CATSPERD: variants seen among roughly 807,000 people sequenced by gnomAD.
The protein encoded by CATSPERD is cation channel sperm-associated auxiliary subunit delta.
A neutral mutation model predicts 98.1 loss-of-function variants in CATSPERD; 86 were observed. The observed-to-expected ratio is 0.88, with a 90% CI of 0.74 to 1.05. The LOEUF (loss-of-function observed/expected upper bound fraction) is 1.05. Ranked by LOEUF, CATSPERD falls within the 50% of genes least tolerant of loss-of-function variation. CATSPERD has a pLI of 0.00. For missense variants in CATSPERD, 995 were observed against 1,005.7 expected (o/e 0.99, Z 0.14); for synonymous variants, 394 against 390.2 (o/e 1.01, Z -0.12).
intron 11 of CATSPERD, among the ~76,000 whole-genome samples, chr19:5,751,069 C>T (rs3120617): frequency 0.71 from 106,416 of 150,118 alleles, 39,565 homozygotes; most frequent in East Asian, 0.95. Context: ...AAAAATTAGC[C>T]GGGCATGGTG....
chr19:5,722,416 C>T (rs1312453172), intron 1 of CATSPERD, among the ~76,000 whole-genome samples: 2 of 152,150 alleles, frequency 1.3e-5, no homozygotes, highest in African/African-American at 2.4e-5. Flanking sequence ...CCACCGCGCC[C>T]GGCCAACACC....
intron 7 of CATSPERD, among the ~76,000 whole-genome samples, chr19:5,743,690 CTCTCTCTCTCTCTCTCTG>C: frequency 1.7e-5 from 1 of 59,640 alleles, no homozygotes; most frequent in African/African-American, 4.8e-5. Context: ...CTTCCTCTCT[CTCTCTCTCTCTCTCTCTG>C]TCTCTGTCTC....
In CATSPERD at chr19:5,748,152, C is replaced by T. The variant is rs767520534; in HGVS notation, c.809-8C>T. 1.4e-5 allele frequency: 22 copies of T among 1,612,348 alleles called. No homozygotes were observed. In the East Asian group the frequency reaches 4.9e-4, roughly 36 times the overall value. On this transcript the variant is annotated splice_region_variant and splice_polypyrimidine_tract_variant and intron_variant, in intron 9 of 21. Transcript: ENST00000381624. Reference sequence around the variant, plus strand: ...GGGGCCTCATGCACCTGTCCTGTTACCTCCTAGGTCAGCTCGTCGACACCG... The same window carrying T: ...GGGGCCTCATGCACCTGTCCTGTTATCTCCTAGGTCAGCTCGTCGACACCG...
intron 9 of CATSPERD, 83 bp from the exon 10 acceptor site, chr19:5,748,076 AG>A: frequency 9.1e-7 from 1 of 1,098,682 alleles, no homozygotes. Flanking sequence ...GGGTGGTGGC[AG>A]GGGTGGCTGT....
intron 4 of CATSPERD, among the ~76,000 whole-genome samples, chr19:5,731,814 A>T (rs1305772712): frequency 2.6e-5 from 4 of 151,518 alleles, no homozygotes; most frequent in African/African-American, 9.7e-5. Context: ...TGACCTCATG[A>T]TCCACCCGCC....
At chr19:5,757,806 G>T in intron 13 of CATSPERD, 37 bp from the exon 14 acceptor site, 1 of 1,551,422 alleles carries the variant, frequency 6.4e-7, no homozygotes, top group Non-Finnish European at 8.9e-7. Context: ...CTGCCTGCTG[G>T]CTCCGTACAG....
chr19:5,738,742 C>A (rs909597386), intron 6 of CATSPERD, among the ~76,000 whole-genome samples: 1 of 152,056 alleles, frequency 6.6e-6, no homozygotes, highest in Non-Finnish European at 1.5e-5. Flanking sequence ...CAGCACCACG[C>A]CTGGCTAATT....
At chr19:5,750,220 G>A (rs537671224) in intron 11 of CATSPERD, among the ~76,000 whole-genome samples, 3 of 150,212 alleles carry the variant, frequency 2.0e-5, no homozygotes, top group South Asian at 2.1e-4. Context: ...TGGCCAAGGT[G>A]GGCGGATCAC....
At chr19:5,776,040 G>A (rs1568378575) in intron 20 of CATSPERD, 121 bp from the exon 21 acceptor site, 9 of 1,061,078 alleles carry the variant, frequency 8.5e-6, no homozygotes, top group Non-Finnish European at 1.2e-5. Context: ...TGGCCCCAGA[G>A]TCCCACCCAT....
rs1288910873 is a variant in CATSPERD, at chr19:5,776,196, C to T, written c.1977C>T (p.Ala659=). The change falls in exon 21 of 22, where the codon GCC becomes GCT. Residue 659 remains alanine, a synonymous_variant. Transcript: ENST00000381624. ...YVSCHDPNNN[A]PLRWPDVQYQ... is the part of the protein sequence containing the mutation. ...GCTGCCACGACCCCAACAACAATGC[C>T]CCTTTGAGGTGGCCAGACGTCCAGT... 2 of 1,614,104 alleles carry T rather than the reference C, an allele frequency of 1.2e-6. No individual in the cohort carries two copies. The highest frequency in any genetic ancestry group is 8.5e-7 in the Non-Finnish European group (1 of 1,180,038).
intron 20 of CATSPERD, chr19:5,775,156 G>A (rs986469484): frequency 1.5e-5 from 7 of 454,348 alleles, no homozygotes; most frequent in African/African-American, 1.4e-4. Context: ...CACTACAACA[G>A]TTACTACTGC....
chr19:5,753,276 A>G (rs2056255381), intron 12 of CATSPERD, among the ~76,000 whole-genome samples: 1 of 151,084 alleles, frequency 6.6e-6, no homozygotes, highest in Admixed American at 6.6e-5. Flanking sequence ...AAACAGAAAG[A>G]GGGGGCGGGC....
chr19:5,724,943 G>A, intron 2 of CATSPERD, 81 bp downstream of exon 2: 1 of 1,315,230 alleles, frequency 7.6e-7, no homozygotes, highest in African/African-American at 1.5e-5. Flanking sequence ...GTATTTCTTG[G>A]GTGCCCGTGT....
At chr19:5,768,328 A>ATTTT in intron 18 of CATSPERD, 86 bp downstream of exon 18, 1 of 781,160 alleles carries the variant, frequency 1.3e-6, no homozygotes, top group Non-Finnish European at 1.8e-6. Flanking sequence ...AATTTTATTT[A>ATTTT]TTTATTTATT....
chr19:5,744,715 C>T lies in CATSPERD; in HGVS notation c.657+205C>T, dbSNP rs1427205236. Among the ~76,000 whole-genome samples the T allele has an allele frequency of 4.0e-5, 6 of 151,784 alleles. No homozygotes were observed. The East Asian group carries it at 1.2e-3, about 29-fold the overall frequency. ...TTTCAACTTCAAGCAATTCTCCTGCCTCAGCCTCCCGAGTAGCTGGGACTA... is the reference window on the plus strand; with the variant it reads ...TTTCAACTTCAAGCAATTCTCCTGCTTCAGCCTCCCGAGTAGCTGGGACTA... On this transcript the variant is annotated intron_variant, in intron 8 of 21. Coordinates refer to ENST00000381624, the MANE Select transcript of CATSPERD (RefSeq NM_152784.4).
At chr19:5,759,853 A>G (rs2056401207) in intron 15 of CATSPERD, among the ~76,000 whole-genome samples, 1 of 151,882 alleles carries the variant, frequency 6.6e-6, no homozygotes, top group South Asian at 2.1e-4. Context: ...AGGCGGGCAG[A>G]TCACCTGAGG....
intron 17 of CATSPERD, among the ~76,000 whole-genome samples, chr19:5,766,459 GA>G (rs71979608): frequency 0.82 from 116,639 of 142,500 alleles, 47,710 homozygotes; most frequent in Non-Finnish European, 0.86. Flanking sequence ...CTCTCGTCTT[GA>G]AAAAAAAAAA....
rs563375681 is a variant in CATSPERD at position 5,768,287 on chromosome 19, T to C, written c.1634+45T>C. The stretch of plus-strand genomic sequence containing the variant: ...CAACACCTGACACCCAAGGCGACCA[T>C]TGGGCCTGCAAAAGCCAAGAGCAAA... On this transcript the variant is annotated intron_variant, in intron 18 of 21. Transcript: ENST00000381624. The C allele has an allele frequency of 1.1e-4, 172 of 1,517,476 alleles. 1 individual carries two copies. Among genetic ancestry groups the C allele is most frequent in the East Asian group, 6.6e-4 (29 of 43,788 alleles). 94.0% of individuals were successfully genotyped at this position (1,517,476 alleles called of 1,614,324 possible).
At chr19:5,754,307 C>A in intron 13 of CATSPERD, 62 bp downstream of exon 13, 1 of 1,198,186 alleles carries the variant, frequency 8.3e-7, no homozygotes, top group Non-Finnish European at 1.2e-6. Context: ...GTGCCCACTC[C>A]CAGATTCTGG....
Sources: allele counts gnomAD v4.1 joint callset (sites outside exome capture counted in the v4.1 genomes callset), GRCh38; gene constraint gnomAD v4.1.1; transcripts MANE v1.5; gene names NCBI Gene and HGNC (gene_info 2026-07-23, HGNC 2026-07-21).